ELOC: variants seen among roughly 807,000 people sequenced by gnomAD.
ELOC encodes the protein elongin-C.
For missense variants in ELOC, 38 were observed against 139.0 expected, an observed-to-expected ratio of 0.27 and a Z score of 3.65; for synonymous variants, 40 against 51.3, an observed-to-expected ratio of 0.78 and a Z score of 0.94.
intron 2 of ELOC, 119 bp downstream of exon 2, chr8:73,959,645 AT>A (rs1335379890): frequency 3.9e-5 from 30 of 773,930 alleles, no homozygotes; most frequent in Non-Finnish European, 5.7e-5. Flanking sequence ...TAAGCTGTTG[AT>A]GTGGACAACT....
At chr8:73,959,604 C>T (rs1814454403) in intron 2 of ELOC, among the ~76,000 whole-genome samples, 161 bp downstream of exon 2, 1 of 152,130 alleles carries the variant, frequency 6.6e-6, no homozygotes, top group African/African-American at 2.4e-5. Context: ...ACCGAAAAAT[C>T]ATTATGTAGG....
At chr8:73,947,823 C>A (rs1301269956) in intron 3 of ELOC, among the ~76,000 whole-genome samples, 2 of 152,104 alleles carry the variant, frequency 1.3e-5, no homozygotes, top group Non-Finnish European at 2.9e-5. Flanking sequence ...GATCCCCCTG[C>A]CTCAGAATCC....
intron 3 of ELOC, chr8:73,955,584 C>G (rs1167886651): frequency 4.8e-6 from 1 of 207,820 alleles, no homozygotes; most frequent in African/African-American, 2.4e-5. Flanking sequence ...CCAGCCTGGG[C>G]AACAGAGCAA....
chr8:73,946,735 C>T lies in ELOC; in HGVS notation c.234G>A (p.Thr78=), dbSNP rs370518034. Residue 78 remains threonine (T), a synonymous_variant, in exon 4 of 4, where the codon ACG becomes ACA. Transcript: ENST00000520242. ...HVLSKVCMYF[T]YKVRYTNSST... is the part of the protein sequence containing the mutation. The stretch of plus-strand genomic sequence containing the variant: ...AGCTGTTAGTGTAGCGAACCTTGTA[C>T]GTAAAATACATGCATACTTTCGATA... 25 of 1,613,070 alleles carry T rather than the reference C, an allele frequency of 1.5e-5. No homozygotes were observed. Among genetic ancestry groups the T allele is most frequent in the South Asian group, 1.2e-4 (11 of 91,008 alleles).
chr8:73,964,091 C>T (rs59285106), intron 1 of ELOC, among the ~76,000 whole-genome samples: 3 of 1,892 alleles, frequency 1.6e-3, no homozygotes, highest in Non-Finnish European at 4.0e-3. Flanking sequence ...GAAATTCCGT[C>T]TCAAAAAAAA....
At chr8:73,963,986 G>A (rs1419143837) in intron 1 of ELOC, among the ~76,000 whole-genome samples, 1 of 150,912 alleles carries the variant, frequency 6.6e-6, no homozygotes, top group South Asian at 2.1e-4. Flanking sequence ...CCAGCTACTC[G>A]GGAGGCTGAG....
At chr8:73,967,076 G>C (rs1174956375) in intron 1 of ELOC, among the ~76,000 whole-genome samples, 1 of 152,128 alleles carries the variant, frequency 6.6e-6, no homozygotes, top group East Asian at 1.9e-4. Flanking sequence ...ACATATAAAA[G>C]CACTCAGAAT....
In ELOC at chr8:73,946,878, T is replaced by C. The variant is rs995784863; in HGVS notation, c.149-58A>G. 5.5e-6 allele frequency: 8 copies of C among 1,464,968 alleles called. No homozygotes were observed. The Admixed American group carries it at 5.5e-5, about 10-fold the overall frequency. 90.7% of individuals were successfully genotyped at this position (1,464,968 alleles called of 1,614,324 possible). ...CTGAATTGTGTCCTCCAAATTCATA[T>C]GTTGAAGTCTTAACCCCTTGTACCA... On this transcript the variant is annotated intron_variant, in intron 3 of 3. Transcript: ENST00000520242.
At chr8:73,949,454 T>C (rs1586591582) in intron 3 of ELOC, among the ~76,000 whole-genome samples, 1 of 152,256 alleles carries the variant, frequency 6.6e-6, no homozygotes, top group East Asian at 1.9e-4. Context: ...CAGTGGCATT[T>C]AGTATATTTA....
At chr8:73,961,844 T>C (rs143661862) in intron 1 of ELOC, among the ~76,000 whole-genome samples, 29 of 152,256 alleles carry the variant, frequency 1.9e-4, no homozygotes, top group African/African-American at 6.7e-4. Context: ...GATGAGCCTT[T>C]TGCAGGCCTA....
intron 2 of ELOC, among the ~76,000 whole-genome samples, chr8:73,958,442 AACACACACACAT>A (rs1187425038): frequency 1.3e-5 from 2 of 152,102 alleles, no homozygotes; most frequent in Non-Finnish European, 1.5e-5. Flanking sequence ...CTACAATATG[AACACACACACAT>A]ACACACACAC....
At chr8:73,953,390 A>G (rs1242711695) in intron 3 of ELOC, among the ~76,000 whole-genome samples, 1 of 152,118 alleles carries the variant, frequency 6.6e-6, no homozygotes, top group Non-Finnish European at 1.5e-5. Context: ...GATAAAAAAA[A>G]GAGTGGCCAG....
chr8:73,965,097 C>G (rs796239189), intron 1 of ELOC, among the ~76,000 whole-genome samples: 4 of 145,600 alleles, frequency 2.7e-5, no homozygotes, highest in African/African-American at 1.0e-4. Flanking sequence ...GAAGTCAAGC[C>G]ACGAACTGGA....
intron 1 of ELOC, among the ~76,000 whole-genome samples, chr8:73,964,073 A>T: frequency 7.4e-6 from 1 of 134,846 alleles, no homozygotes; most frequent in East Asian, 2.2e-4. Context: ...AGCCTGGGCG[A>T]TAAGAGTGAA....
chr8:73,945,426 G>A lies in ELOC; in HGVS notation c.*1204C>T, dbSNP rs939591037. Reference sequence around the variant, plus strand: ...GAGCCACCGGGCTCAGCCATATTAAGCCAGTCTCAAATAAGCTGGAGACTT... The same window carrying A: ...GAGCCACCGGGCTCAGCCATATTAAACCAGTCTCAAATAAGCTGGAGACTT... On this transcript the variant is annotated 3_prime_UTR_variant, in exon 4 of 4. Transcript: ENST00000520242. 5 of 152,120 alleles carry A rather than the reference G, an allele frequency of 3.3e-5. No individual in the cohort carries two copies. Among genetic ancestry groups the A allele is most frequent in the Non-Finnish European group, 5.9e-5 (4 of 68,022 alleles). The allele number at this position is 152,120 out of a possible 1,614,324, so 9.4% of individuals were successfully genotyped here. A position where few individuals can be genotyped will look rare whatever the true frequency, so the allele number is the denominator to read the frequency against.
chr8:73,971,940 G>C (rs1405592493), intron 1 of ELOC, 137 bp downstream of exon 1: 2 of 152,240 alleles, frequency 1.3e-5, no homozygotes, highest in African/African-American at 4.8e-5. Context: ...GGAGGCCCAA[G>C]GAGGTTAACA....
At chr8:73,965,036 C>CAAAAAAAAAAAAAA (rs61081733) in intron 1 of ELOC, among the ~76,000 whole-genome samples, 3 of 81,446 alleles carry the variant, frequency 3.7e-5, no homozygotes, top group Non-Finnish European at 7.0e-5. Context: ...AAAAACAAAC[C>CAAAAAAAAAAAAAA]AAAAAAAAAA....
At chr8:73,971,019 C>G (rs1195284474) in intron 1 of ELOC, among the ~76,000 whole-genome samples, 1 of 102,894 alleles carries the variant, frequency 9.7e-6, no homozygotes, top group Non-Finnish European at 1.9e-5. Context: ...CAGGACAGAG[C>G]GAGACTCCGT....
rs1813458709 is a variant in ELOC, at chr8:73,947,521, C to T, written c.149-701G>A. ...GCAAACTAATCATCATTAAAATAAC[C>T]TCAATTAGCACCAAATGAATTATGG... On this transcript the variant is annotated intron_variant, in intron 3 of 3. Transcript: ENST00000520242. Among the ~76,000 whole-genome samples the T allele has an allele frequency of 2.6e-5, 4 of 152,086 alleles. No homozygotes were observed. The South Asian group carries it at 8.3e-4, about 32-fold the overall frequency.
Sources: allele counts gnomAD v4.1 joint callset (sites outside exome capture counted in the v4.1 genomes callset), GRCh38; gene constraint gnomAD v4.1.1; transcripts MANE v1.5; gene names NCBI Gene and HGNC (gene_info 2026-07-23, HGNC 2026-07-21).